RARB: variants seen among roughly 807,000 people sequenced by gnomAD.
RARB encodes the protein retinoic acid receptor beta, also known as HBV-activated protein.
RARB carries 17 observed loss-of-function variants against 51.9 expected under a neutral mutation model. The ratio of observed to expected loss-of-function variants is 0.33; its 90% confidence interval spans 0.22 to 0.49. RARB has a LOEUF of 0.49. Among genes scored for constraint, RARB ranks in the 20% least tolerant of loss-of-function variants. The pLI, the probability that RARB is intolerant of heterozygous loss-of-function variation, is 0.99. For synonymous variants in RARB, 215 were observed against 195.4 expected (o/e 1.10, Z -0.84); for missense variants, 369 against 550.8 (o/e 0.67, Z 3.30).
rs890454517 is a variant in RARB at position 25,563,945 on chromosome 3, T to C, written c.449-5813T>C. ...GACAAAAATACCATCAATTGTATTT[T>C]CCTTTTTTTTTTTTTTTTTGATGTG... is the stretch of plus-strand genomic sequence containing the variant. On this transcript the variant is annotated intron_variant, in intron 3 of 7. Coordinates refer to ENST00000330688, the MANE Select transcript of RARB (RefSeq NM_000965.5). Among the ~76,000 whole-genome samples the C allele has an allele frequency of 5.7e-5, 7 of 123,310 alleles. 1 individual carries two copies. Among genetic ancestry groups the C allele is most frequent in the Admixed American group, 4.7e-4 (5 of 10,540 alleles). 80.9% of individuals were successfully genotyped at this position (123,310 alleles called of 152,430 possible).
intron 5 of RARB, among the ~76,000 whole-genome samples, chr3:25,300,553 T>C (rs1217884594): frequency 3.3e-5 from 5 of 152,198 alleles, no homozygotes; most frequent in Non-Finnish European, 7.3e-5. Context: ...AGGGCAGTTT[T>C]CTGAGAAGAA....
At chr3:24,886,627 A>G (rs1339956667) in intron 2 of RARB, among the ~76,000 whole-genome samples, 1 of 151,898 alleles carries the variant, frequency 6.6e-6, no homozygotes, top group African/African-American at 2.4e-5. Flanking sequence ...ATTTTTGTAG[A>G]GACAAGGTCT....
At chr3:24,923,823 C>T (rs1695265437) in intron 2 of RARB, among the ~76,000 whole-genome samples, 2 of 152,054 alleles carry the variant, frequency 1.3e-5, no homozygotes, top group Non-Finnish European at 1.5e-5. Flanking sequence ...AATTCCTGTT[C>T]CTAGATTGTG....
chr3:24,980,236 C>T (rs1027500483), intron 2 of RARB, among the ~76,000 whole-genome samples: 1 of 152,108 alleles, frequency 6.6e-6, no homozygotes, highest in African/African-American at 2.4e-5. Context: ...GTGAATCTGA[C>T]AATTATGTGT....
At position 25,153,853 on chromosome 3, in the gene RARB, A is replaced by T. The variant is rs528743601; in HGVS notation, c.-279-20266A>T. The stretch of plus-strand genomic sequence containing the variant: ...CACTTTCCTCAACATTGTGCATTGT[A>T]CTTAGCACAATATTCTGTTCACAAT... On this transcript the variant is annotated intron_variant, in intron 4 of 11. Coordinates refer to the RARB transcript ENST00000383772. 3.3e-5 allele frequency among the ~76,000 whole-genome samples: 5 copies of T among 152,300 alleles called. No individual in the cohort carries two copies. The South Asian group carries it at 1.0e-3, about 32-fold the overall frequency.
At position 24,989,601 on chromosome 3, in the gene RARB, G is replaced by A. The variant is rs1156426874; in HGVS notation, c.-379-70524G>A. Among the ~76,000 whole-genome samples, 7 of 105,726 alleles carry A rather than the reference G, an allele frequency of 6.6e-5. 1 individual carries two copies. Among genetic ancestry groups the A allele is most frequent in the Middle Eastern group, 4.4e-3 (1 of 226 alleles). 69.4% of individuals were successfully genotyped at this position (105,726 alleles called of 152,430 possible). ...TTTCTGATTATTAGTGAAGTTGAGC[G>A]TCATTTTTTAACCAGATTATCTCAT... On this transcript the variant is annotated intron_variant, in intron 2 of 11. Coordinates refer to the RARB transcript ENST00000383772.
intron 4 of RARB, among the ~76,000 whole-genome samples, chr3:25,157,033 C>A (rs1700385855): frequency 6.6e-6 from 1 of 152,094 alleles, no homozygotes; most frequent in Non-Finnish European, 1.5e-5. Flanking sequence ...AATAAATCTC[C>A]TAAATTGATT....
intron 5 of RARB, among the ~76,000 whole-genome samples, chr3:25,588,517 C>T (rs1485820059): frequency 6.6e-6 from 1 of 152,120 alleles, no homozygotes; most frequent in Non-Finnish European, 1.5e-5. Flanking sequence ...TTATCTATTG[C>T]AGTGTAACAA....
intron 2 of RARB, among the ~76,000 whole-genome samples, chr3:25,052,016 A>T (rs1382683790): frequency 6.6e-6 from 1 of 152,146 alleles, no homozygotes; most frequent in African/African-American, 2.4e-5. Flanking sequence ...TTGATTGTGG[A>T]TACTCAGGGA....
chr3:25,144,953 A>G (rs1011100593), intron 4 of RARB, among the ~76,000 whole-genome samples: 3 of 152,124 alleles, frequency 2.0e-5, no homozygotes, highest in African/African-American at 4.8e-5. Flanking sequence ...AACTTTCATA[A>G]TTTACAACAT....
At chr3:24,958,905 C>A (rs1177901522) in intron 2 of RARB, among the ~76,000 whole-genome samples, 8 of 152,140 alleles carry the variant, frequency 5.3e-5, no homozygotes. Context: ...GACAGGAGTG[C>A]CTTGCTTACT....
intron 5 of RARB, among the ~76,000 whole-genome samples, chr3:25,319,329 G>T (rs954199167): frequency 6.6e-6 from 1 of 152,116 alleles, no homozygotes; most frequent in African/African-American, 2.4e-5. Context: ...ATCCTTGTGG[G>T]AGTATCTTAA....
chr3:25,499,930 G>C (rs1697213149), intron 2 of RARB, among the ~76,000 whole-genome samples: 1 of 152,160 alleles, frequency 6.6e-6, no homozygotes, highest in Admixed American at 6.5e-5. Context: ...CAAAAATTAT[G>C]TGTAATTTAC....
At chr3:24,997,502 G>A (rs569937593) in intron 2 of RARB, among the ~76,000 whole-genome samples, 11 of 151,748 alleles carry the variant, frequency 7.2e-5, no homozygotes, top group Non-Finnish European at 1.0e-4. Context: ...TGGTTATTTC[G>A]TATATTCTTC....
At chr3:25,235,185 T>A (rs1417293451) in intron 5 of RARB, among the ~76,000 whole-genome samples, 5 of 152,182 alleles carry the variant, frequency 3.3e-5, no homozygotes, top group Admixed American at 1.3e-4. Context: ...TTCCTTATTA[T>A]CTGCCTGCAG....
At chr3:24,982,443 T>A (rs972204536) in intron 2 of RARB, among the ~76,000 whole-genome samples, 2 of 152,184 alleles carry the variant, frequency 1.3e-5, no homozygotes, top group African/African-American at 4.8e-5. Flanking sequence ...TCCTTTTGCC[T>A]TTTGTCCTGT....
At position 25,268,447 on chromosome 3, in the gene RARB, A is replaced by G. The variant is rs77594523; in HGVS notation, c.178+93872A>G. Among the ~76,000 whole-genome samples, 38 of 151,622 alleles carry G rather than the reference A, an allele frequency of 2.5e-4. No homozygotes were observed. In the East Asian group the frequency reaches 6.0e-3, roughly 24 times the overall value. On this transcript the variant is annotated intron_variant, in intron 5 of 11. Coordinates refer to the RARB transcript ENST00000383772. ...CTACAAAAGTGGATCTGTGTTTTTC[A>G]TATTATTTTCTCCAACTCAGATTTT...
chr3:25,399,267 G>A (rs1010803455), intron 5 of RARB, among the ~76,000 whole-genome samples: 1 of 152,080 alleles, frequency 6.6e-6, no homozygotes, highest in African/African-American at 2.4e-5. Flanking sequence ...ATTTTGGGTC[G>A]CTAGTCTCTC....
At chr3:24,946,303 A>C (rs1215628417) in intron 2 of RARB, among the ~76,000 whole-genome samples, 1 of 135,862 alleles carries the variant, frequency 7.4e-6, no homozygotes, top group African/African-American at 2.5e-5. Flanking sequence ...ATTCAAGTAT[A>C]GTTGATGGAC....
Sources: gnomAD v4.1 joint callset for allele counts (sites outside exome capture counted in the v4.1 genomes callset) on GRCh38, gnomAD v4.1.1 for gene constraint, MANE v1.5 for transcripts, NCBI Gene and HGNC (gene_info 2026-07-23, HGNC 2026-07-21) for gene names.